Variants in FHIT observed in about 807,000 individuals in gnomAD.
FHIT encodes the protein fragile histidine triad diadenosine triphosphatase, also known as bis(5'-adenosyl)-triphosphatase.
Under a neutral mutation model 17.9 loss-of-function variants are expected in FHIT, and 19 were observed. The observed-to-expected ratio is 1.06, with a 90% CI of 0.74 to 1.56. FHIT has a LOEUF of 1.56. Ranked by LOEUF, FHIT falls within the 40% of genes most tolerant of loss-of-function variation. The pLI is 0.00. For missense variants in FHIT, 248 were observed against 189.2 expected, an observed-to-expected ratio of 1.31 and a Z score of -1.82; for synonymous variants, 81 against 69.7, an observed-to-expected ratio of 1.16 and a Z score of -0.81.
intron 5 of FHIT, among the ~76,000 whole-genome samples, chr3:60,501,653 C>T (rs553348924): frequency 2.8e-4 from 43 of 152,248 alleles, no homozygotes; most frequent in African/African-American, 1.0e-3. Context: ...TCCGGAATCT[C>T]CATTTTAACA....
intron 5 of FHIT, among the ~76,000 whole-genome samples, chr3:60,255,295 G>T (rs565251168): frequency 6.6e-6 from 1 of 152,136 alleles, no homozygotes; most frequent in African/African-American, 2.4e-5. Context: ...CTCTACCTAG[G>T]GTAAAGGGAT....
chr3:60,389,130 G>C (rs929082210), intron 5 of FHIT, among the ~76,000 whole-genome samples: 3 of 152,148 alleles, frequency 2.0e-5, no homozygotes, highest in Admixed American at 6.5e-5. Context: ...TTCCATATAA[G>C]TGGTTCACAA....
At chr3:60,646,071 G>T (rs1425254118) in intron 4 of FHIT, among the ~76,000 whole-genome samples, 3 of 152,274 alleles carry the variant, frequency 2.0e-5, no homozygotes, top group Non-Finnish European at 2.9e-5. Context: ...AGCCCAGATG[G>T]TCAGAAAGAA....
intron 4 of FHIT, among the ~76,000 whole-genome samples, chr3:60,763,638 C>T (rs116476386): frequency 0.013 from 1,968 of 152,230 alleles, 43 homozygotes; most frequent in African/African-American, 0.044. Flanking sequence ...CAACACATGG[C>T]GATGAGCTGT....
chr3:60,488,656 C>T (rs2033940933), intron 5 of FHIT, among the ~76,000 whole-genome samples: 1 of 152,066 alleles, frequency 6.6e-6, no homozygotes, highest in Non-Finnish European at 1.5e-5. Context: ...CTTTTAATTA[C>T]CAGTGTGACT....
chr3:60,293,808 G>A (rs1348493102), intron 5 of FHIT, among the ~76,000 whole-genome samples: 2 of 152,024 alleles, frequency 1.3e-5, no homozygotes, highest in East Asian at 3.9e-4. Flanking sequence ...TTTAGAAATT[G>A]GGCTTTCAAA....
chr3:60,928,011 C>A (rs566621220), intron 3 of FHIT, among the ~76,000 whole-genome samples: 2 of 152,288 alleles, frequency 1.3e-5, no homozygotes, highest in African/African-American at 4.8e-5. Flanking sequence ...ACATTACTCC[C>A]AACCCAGTGC....
chr3:60,509,656 T>G (rs977276190), intron 5 of FHIT, among the ~76,000 whole-genome samples: 1 of 152,206 alleles, frequency 6.6e-6, no homozygotes, highest in African/African-American at 2.4e-5. Flanking sequence ...TTGGAAAGCA[T>G]GTCCACTTTA....
intron 5 of FHIT, among the ~76,000 whole-genome samples, chr3:60,056,739 T>C (rs1702099253): frequency 6.6e-6 from 1 of 152,166 alleles, no homozygotes. Context: ...TTGCTTTTTA[T>C]CAAAATGAAA....
chr3:60,342,157 T>C (rs538566638), intron 5 of FHIT, among the ~76,000 whole-genome samples: 1 of 152,278 alleles, frequency 6.6e-6, no homozygotes, highest in African/African-American at 2.4e-5. Flanking sequence ...CTCCCAATAA[T>C]GTGAGGGTGG....
At chr3:60,733,614 A>G (rs545176187) in intron 4 of FHIT, among the ~76,000 whole-genome samples, 98 of 152,068 alleles carry the variant, frequency 6.4e-4, no homozygotes, top group African/African-American at 2.2e-3. Context: ...TGAAGAAACT[A>G]TTTCTCCATA....
intron 2 of FHIT, among the ~76,000 whole-genome samples, chr3:61,054,100 G>A (rs370996043): frequency 8.5e-5 from 13 of 152,190 alleles, no homozygotes; most frequent in African/African-American, 2.9e-4. Context: ...CACTGGTGTG[G>A]TATCCCCAAA....
intron 5 of FHIT, among the ~76,000 whole-genome samples, chr3:60,160,318 T>C (rs2107361602): frequency 6.6e-6 from 1 of 152,310 alleles, no homozygotes; most frequent in East Asian, 1.9e-4. Flanking sequence ...TCCCACACCA[T>C]GGCCATGACT....
In FHIT at chr3:60,181,170, T is replaced by C. The variant is rs915491908; in HGVS notation, c.104-167018A>G. 5.7e-5 allele frequency among the ~76,000 whole-genome samples: 8 copies of C among 139,216 alleles called. 1 individual carries two copies. In the Admixed American group the frequency reaches 6.1e-4, roughly 11 times the overall value. The allele number at this position is 139,216 out of a possible 152,430, so 91.3% of individuals were successfully genotyped here. On this transcript the variant is annotated intron_variant, in intron 5 of 9. Coordinates refer to ENST00000492590, the MANE Select transcript of FHIT (RefSeq NM_002012.4). The stretch of plus-strand genomic sequence containing the variant: ...ATTTTTTTTTTTTTTTTTTTGAGAC[T>C]GAGTCTCACTCTGTCACCAGGCTGG...
chr3:60,591,773 C>T (rs1318777955), intron 4 of FHIT, among the ~76,000 whole-genome samples: 3 of 152,006 alleles, frequency 2.0e-5, no homozygotes, highest in Non-Finnish European at 4.4e-5. Context: ...GCTTTCCATA[C>T]AGAAATTATT....
chr3:60,792,278 A>G (rs1553728738), intron 4 of FHIT, among the ~76,000 whole-genome samples: 6 of 152,216 alleles, frequency 3.9e-5, no homozygotes, highest in Admixed American at 1.3e-4. Flanking sequence ...GTAAGTGTGT[A>G]TGTGTGTTAT....
intron 3 of FHIT, among the ~76,000 whole-genome samples, chr3:60,939,470 T>TA (rs1392805637): frequency 1.3e-5 from 2 of 152,170 alleles, no homozygotes; most frequent in Non-Finnish European, 2.9e-5. Context: ...ATTAACTAGA[T>TA]ACAGAATCCA....
chr3:60,408,781 T>C (rs1271662591), intron 5 of FHIT, among the ~76,000 whole-genome samples: 1 of 152,168 alleles, frequency 6.6e-6, no homozygotes, highest in Non-Finnish European at 1.5e-5. Context: ...ATTGATTAAG[T>C]TCTATCCTGG....
intron 1 of FHIT, among the ~76,000 whole-genome samples, chr3:61,248,726 C>A (rs1038650711): frequency 6.6e-6 from 1 of 152,134 alleles, no homozygotes; most frequent in Non-Finnish European, 1.5e-5. Flanking sequence ...CTAAAGCATT[C>A]TATCAAAGGC....
Sources: gnomAD v4.1 joint callset for allele counts (sites outside exome capture counted in the v4.1 genomes callset) on GRCh38, gnomAD v4.1.1 for gene constraint, MANE v1.5 for transcripts, NCBI Gene and HGNC (gene_info 2026-07-23, HGNC 2026-07-21) for gene names.